WRN: variants seen among roughly 807,000 people sequenced by gnomAD.
WRN encodes WRN RecQ like helicase, also known as bifunctional 3'-5' exonuclease/ATP-dependent helicase WRN.
In WRN, 149 loss-of-function variants were observed where a neutral mutation model predicts 180.7. The observed-to-expected ratio is 0.82, with a 90% CI of 0.72 to 0.94. The LOEUF is 0.94. Among genes scored for constraint, WRN ranks in the 40% least tolerant of loss-of-function variants. The probability of loss-of-function intolerance (pLI) is 0.00; values close to 1 mark genes in which losing one functional copy is unlikely to be tolerated. For missense variants in WRN, 1,661 were observed against 1,700.1 expected (o/e 0.98, Z 0.40); for synonymous variants, 548 against 568.9 (o/e 0.96, Z 0.52).
At chr8:31,172,916 C>T (rs555162573) in intron 34 of WRN, 79 bp from the exon 35 acceptor site, 13 of 1,269,850 alleles carry the variant, frequency 1.0e-5, no homozygotes, top group Non-Finnish European at 1.5e-5. Flanking sequence ...TATTCAGGAA[C>T]TTATGTTACT....
chr8:31,171,551 T>C (rs560058408), intron 34 of WRN: 7 of 152,336 alleles, frequency 4.6e-5, no homozygotes, highest in Admixed American at 4.6e-4. Context: ...CATCCGTTCT[T>C]TTGATTTTCT....
intron 7 of WRN, among the ~76,000 whole-genome samples, chr8:31,070,555 C>G (rs1199313142): frequency 6.6e-6 from 1 of 151,880 alleles, no homozygotes; most frequent in Non-Finnish European, 1.5e-5. Flanking sequence ...TACTCTGTTT[C>G]CTGAGGGGCC....
At chr8:31,163,149 G>A (rs1803703343) in intron 33 of WRN, among the ~76,000 whole-genome samples, 1 of 152,194 alleles carries the variant, frequency 6.6e-6, no homozygotes, top group Non-Finnish European at 1.5e-5. Flanking sequence ...AGAATTCTTG[G>A]GCATATGTTC....
At chr8:31,128,293 T>C (rs1306751306) in intron 23 of WRN, among the ~76,000 whole-genome samples, 4 of 152,122 alleles carry the variant, frequency 2.6e-5, no homozygotes, top group African/African-American at 7.2e-5. Flanking sequence ...TCAGTATACA[T>C]AGTATACTGA....
chr8:31,150,711 A>G (rs11574372), intron 31 of WRN, among the ~76,000 whole-genome samples: 236 of 152,296 alleles, frequency 1.5e-3, no homozygotes, highest in African/African-American at 5.3e-3. Context: ...TTGTTTTTAA[A>G]TTGGAAACAT....
intron 3 of WRN, among the ~76,000 whole-genome samples, chr8:31,061,260 G>A (rs568338970): frequency 6.6e-6 from 1 of 151,732 alleles, no homozygotes; most frequent in South Asian, 2.1e-4. Context: ...TGTCTGGTCT[G>A]TTTATACCAT....
chr8:31,035,354 G>A (rs1811411521), intron 1 of WRN, among the ~76,000 whole-genome samples: 1 of 152,126 alleles, frequency 6.6e-6, no homozygotes, highest in East Asian at 1.9e-4. Context: ...CGCTGAGAAG[G>A]GAATTTTTGA....
At chr8:31,113,864 A>C (rs1003524997) in intron 19 of WRN, among the ~76,000 whole-genome samples, 1 of 152,184 alleles carries the variant, frequency 6.6e-6, no homozygotes, top group African/African-American at 2.4e-5. Context: ...CTTTCTATGC[A>C]GTTTACAAAT....
At chr8:31,098,715 T>C (rs1362557769) in intron 17 of WRN, among the ~76,000 whole-genome samples, 1 of 152,174 alleles carries the variant, frequency 6.6e-6, no homozygotes, top group Non-Finnish European at 1.5e-5. Context: ...ACTTAAGTAG[T>C]CTGGATTTTT....
intron 12 of WRN, 122 bp downstream of exon 12, chr8:31,088,042 TC>T: frequency 6.6e-7 from 1 of 1,514,836 alleles, no homozygotes; most frequent in Non-Finnish European, 8.9e-7. Context: ...AATTATTGGA[TC>T]CTTATAAGCT....
At chr8:31,141,647 C>G in intron 25 of WRN, 34 bp from the exon 26 acceptor site, 2 of 1,614,100 alleles carry the variant, frequency 1.2e-6, no homozygotes, top group Non-Finnish European at 1.7e-6. Context: ...TTGTTTCCCA[C>G]TCCACATTAA....
At chr8:31,144,915 A>G (rs1019289713) in intron 28 of WRN, among the ~76,000 whole-genome samples, 4 of 152,226 alleles carry the variant, frequency 2.6e-5, no homozygotes, top group African/African-American at 9.6e-5. Flanking sequence ...ACCAGCCACA[A>G]CATTCCCTTG....
chr8:31,173,166 T>C lies in WRN; in HGVS notation c.*64T>C. Reference sequence around the variant, plus strand: ...TATAAGAGGATAGCTATATTTTATTTCTGAAGAGTAAGGAGTAGTATTTTG... The same window carrying C: ...TATAAGAGGATAGCTATATTTTATTCCTGAAGAGTAAGGAGTAGTATTTTG... On this transcript the variant is annotated 3_prime_UTR_variant, in exon 35 of 35. Transcript: ENST00000298139. The C allele has an allele frequency of 1.4e-6, 2 of 1,468,084 alleles. No individual in the cohort carries two copies. Among genetic ancestry groups the C allele is most frequent in the South Asian group, 2.3e-5 (2 of 86,334 alleles). 90.9% of individuals were successfully genotyped at this position (1,468,084 alleles called of 1,614,324 possible). A position where few individuals can be genotyped will look rare whatever the true frequency, so the allele number is the denominator to read the frequency against.
intron 33 of WRN, among the ~76,000 whole-genome samples, chr8:31,160,468 A>G (rs1261364578): frequency 1.3e-5 from 2 of 152,200 alleles, no homozygotes; most frequent in African/African-American, 4.8e-5. Flanking sequence ...AGGCAGAGAG[A>G]GGAAAATAGT....
At chr8:31,154,386 G>A (rs1485616837) in intron 31 of WRN, among the ~76,000 whole-genome samples, 1 of 152,004 alleles carries the variant, frequency 6.6e-6, no homozygotes, top group Non-Finnish European at 1.5e-5. Flanking sequence ...AAAAGACTAG[G>A]AAATGTTTGT....
chr8:31,035,764 T>C (rs1432392061), intron 1 of WRN, among the ~76,000 whole-genome samples: 2 of 152,214 alleles, frequency 1.3e-5, no homozygotes, highest in Non-Finnish European at 2.9e-5. Flanking sequence ...ATATATCATA[T>C]GATTCACTCA....
chr8:31,143,367 G>A (rs1203316461), intron 27 of WRN, among the ~76,000 whole-genome samples, 183 bp from the exon 28 acceptor site: 3 of 152,100 alleles, frequency 2.0e-5, no homozygotes, highest in African/African-American at 4.8e-5. Context: ...ATTGGAATGC[G>A]TTTCTAACTA....
chr8:31,055,369 TA>T (rs1198384982), intron 1 of WRN, among the ~76,000 whole-genome samples: 1 of 152,200 alleles, frequency 6.6e-6, no homozygotes, highest in African/African-American at 2.4e-5. Context: ...ACCAACAGTG[TA>T]AAAGCATTCC....
chr8:31,165,558 A>G (rs1803823606), intron 33 of WRN, among the ~76,000 whole-genome samples: 1 of 152,054 alleles, frequency 6.6e-6, no homozygotes, highest in Non-Finnish European at 1.5e-5. Flanking sequence ...GAAAATTATT[A>G]ATGAGATATT....
Sources: gnomAD v4.1 joint callset for allele counts (sites outside exome capture counted in the v4.1 genomes callset) on GRCh38, gnomAD v4.1.1 for gene constraint, MANE v1.5 for transcripts, NCBI Gene and HGNC (gene_info 2026-07-23, HGNC 2026-07-21) for gene names.